The following EML4 variants were observed in gnomAD, a reference collection of about 807,000 sequenced individuals.
The protein encoded by EML4 is EMAP like 4.
Under a neutral mutation model 129.0 loss-of-function variants are expected in EML4, and 72 were observed. The observed-to-expected ratio is 0.56, with a 90% confidence interval of 0.46 to 0.68. The LOEUF (loss-of-function observed/expected upper bound fraction) is 0.68, where lower values mean the gene tolerates loss of function less well. Among genes scored for constraint, EML4 ranks in the 30% least tolerant of loss-of-function variants. The pLI, the probability that EML4 is intolerant of heterozygous loss-of-function variation, is 0.00. For synonymous variants in EML4, 532 were observed against 405.0 expected (o/e 1.31, Z -3.77); for missense variants, 1,363 against 1,190.6 (o/e 1.14, Z -2.13).
At position 42,331,560 on chromosome 2, in the gene EML4, ACTTT is replaced by A. The variant is rs1475858997; in HGVS notation, c.*1356_*1359del. On this transcript the variant is annotated 3_prime_UTR_variant, in exon 23 of 23. Coordinates refer to ENST00000318522, the MANE Select transcript of EML4 (RefSeq NM_019063.5). ...TTTTAACTTGCTGCATTGTTTTGAT[ACTTT>A]CTATTTTTTTGGTCAAATCATGTTT... 2 of 223,618 alleles carry A rather than the reference ACTTT, an allele frequency of 8.9e-6. No individual in the cohort carries two copies. The highest frequency in any genetic ancestry group is 4.5e-5 in the African/African-American group (2 of 44,776). The allele number at this position is 223,618 out of a possible 1,614,324, so 13.9% of individuals were successfully genotyped here.
intron 17 of EML4, among the ~76,000 whole-genome samples, chr2:42,314,901 A>G (rs943813327): frequency 6.6e-6 from 1 of 152,222 alleles, no homozygotes; most frequent in Admixed American, 6.5e-5. Flanking sequence ...TTTATAATGT[A>G]GTTGGATTTA....
chr2:42,206,773 T>C (rs1292779569), intron 1 of EML4, among the ~76,000 whole-genome samples: 1 of 152,188 alleles, frequency 6.6e-6, no homozygotes, highest in East Asian at 1.9e-4. Flanking sequence ...TTTTGGTAAA[T>C]AGTAAAATTT....
At chr2:42,324,638 G>GA (rs1438782718) in intron 19 of EML4, among the ~76,000 whole-genome samples, 1 of 152,130 alleles carries the variant, frequency 6.6e-6, no homozygotes, top group East Asian at 1.9e-4. Context: ...GTTAGTAATT[G>GA]AAAAAGCACA....
intron 2 of EML4, 25 bp from the exon 3 acceptor site, chr2:42,256,476 A>G (rs1431925261): frequency 1.3e-6 from 2 of 1,569,436 alleles, no homozygotes; most frequent in Non-Finnish European, 1.7e-6. Flanking sequence ...AATTTGATAT[A>G]ATTTTTTTCC....
intron 1 of EML4, among the ~76,000 whole-genome samples, chr2:42,208,937 C>T (rs901553460): frequency 6.6e-6 from 1 of 152,160 alleles, no homozygotes; most frequent in African/African-American, 2.4e-5. Context: ...GGTACCCATC[C>T]CATTTACAGT....
Position 42,295,274 on chromosome 2 carries a change from G to GT in EML4, c.1353+19dup. ...GAATTTTTGGGGTAAGAATCAGATTGTTTTAATGTCATTAGGTGTATAAGA... is the reference window on the plus strand; with the variant it reads ...GAATTTTTGGGGTAAGAATCAGATTGTTTTTAATGTCATTAGGTGTATAAGA... On this transcript the variant is annotated intron_variant, in intron 12 of 22. Coordinates refer to ENST00000318522, the MANE Select transcript of EML4 (RefSeq NM_019063.5). 6.2e-7 allele frequency: 1 copy of GT among 1,611,906 alleles called. No individual in the cohort carries two copies. The highest frequency in any genetic ancestry group is 8.5e-7 in the Non-Finnish European group (1 of 1,179,270).
intron 17 of EML4, among the ~76,000 whole-genome samples, chr2:42,313,004 A>G (rs1370386661): frequency 7.3e-6 from 1 of 136,446 alleles, no homozygotes; most frequent in East Asian, 2.1e-4. Context: ...GCTGGAGTGC[A>G]GTGGTGCCAT....
At chr2:42,211,009 C>G (rs1051679061) in intron 1 of EML4, among the ~76,000 whole-genome samples, 3 of 152,166 alleles carry the variant, frequency 2.0e-5, no homozygotes, top group Non-Finnish European at 4.4e-5. Context: ...TCAAAGTAAT[C>G]AGAAGGTCCA....
chr2:42,303,457 C>G lies in EML4; in HGVS notation c.1899+11C>G, dbSNP rs748896115. Reference sequence around the variant, plus strand: ...ACCAGGCTGGTAGATGTGAGTGAAGCAGGATGTGATTATTAACCTCCCCAC... The same window carrying G: ...ACCAGGCTGGTAGATGTGAGTGAAGGAGGATGTGATTATTAACCTCCCCAC... On this transcript the variant is annotated intron_variant, in intron 16 of 22. Transcript: ENST00000318522. 7 of 1,611,456 alleles carry G rather than the reference C, an allele frequency of 4.3e-6. No homozygotes were observed. The highest frequency in any genetic ancestry group is 5.9e-6 in the Non-Finnish European group (7 of 1,178,462).
Position 42,327,314 on chromosome 2 carries a change from G to A in EML4, c.2341+1062G>A, listed in dbSNP as rs146129674. On this transcript the variant is annotated intron_variant, in intron 21 of 22. Transcript: ENST00000318522. ...ATACCACTGCTGTGAACAGTCATGT[G>A]CAGGTTTTTGTGTAGACATGTTTTC... Among the ~76,000 whole-genome samples, 35 of 152,286 alleles carry A rather than the reference G, an allele frequency of 2.3e-4. 1 individual carries two copies. The East Asian group carries it at 6.5e-3, about 28-fold the overall frequency.
chr2:42,310,310 CCCCTTTCCCTTT>C (rs909295797), intron 17 of EML4, among the ~76,000 whole-genome samples: 1 of 151,236 alleles, frequency 6.6e-6, no homozygotes, highest in Non-Finnish European at 1.5e-5. Context: ...CCTTTCCCTT[CCCCTTTCCCTTT>C]CCCTTCCCCT....
At position 42,310,047 on chromosome 2, in the gene EML4, G is replaced by T. The variant is rs1338450348; in HGVS notation, c.1967+5496G>T. ...AGTAGGTGTCCAACTTCATTCTTTT[G>T]TATGTGGATATTCAGTTACAGCACC... On this transcript the variant is annotated intron_variant, in intron 17 of 22. Coordinates refer to ENST00000318522, the MANE Select transcript of EML4 (RefSeq NM_019063.5). Among the ~76,000 whole-genome samples, 3 of 152,172 alleles carry T rather than the reference G, an allele frequency of 2.0e-5. No individual in the cohort carries two copies. The East Asian group carries it at 5.8e-4, about 29-fold the overall frequency.
chr2:42,248,817 G>C (rs1009161733), intron 2 of EML4, among the ~76,000 whole-genome samples: 1 of 151,978 alleles, frequency 6.6e-6, no homozygotes, highest in Non-Finnish European at 1.5e-5. Flanking sequence ...TGGTTTGATG[G>C]GGGTATTGAT....
At chr2:42,233,138 C>T (rs1257459721) in intron 1 of EML4, among the ~76,000 whole-genome samples, 1 of 152,128 alleles carries the variant, frequency 6.6e-6, no homozygotes, top group Non-Finnish European at 1.5e-5. Flanking sequence ...TAACTCCTCA[C>T]ATTTAGTTTG....
chr2:42,174,470 T>C (rs1220400250), intron 1 of EML4, among the ~76,000 whole-genome samples: 1 of 152,124 alleles, frequency 6.6e-6, no homozygotes, highest in Non-Finnish European at 1.5e-5. Context: ...TTTGTATTTT[T>C]AGTAGAGACA....
intron 2 of EML4, among the ~76,000 whole-genome samples, chr2:42,255,660 A>T (rs1379680346): frequency 6.6e-6 from 1 of 152,218 alleles, no homozygotes; most frequent in Non-Finnish European, 1.5e-5. Context: ...AAAATTTCTT[A>T]AGAGGTTTCA....
At chr2:42,227,981 A>G (rs1165596477) in intron 1 of EML4, among the ~76,000 whole-genome samples, 1 of 152,160 alleles carries the variant, frequency 6.6e-6, no homozygotes, top group Non-Finnish European at 1.5e-5. Flanking sequence ...ACACTTTGGG[A>G]GGCCAAGGTG....
intron 1 of EML4, among the ~76,000 whole-genome samples, chr2:42,235,552 A>G (rs1341778442): frequency 2.6e-5 from 4 of 152,158 alleles, no homozygotes; most frequent in Non-Finnish European, 4.4e-5. Context: ...TCTCTAATCT[A>G]ACCTAATCTT....
chr2:42,320,527 C>A lies in EML4; in HGVS notation c.2154+3003C>A, dbSNP rs139731694. 2.7e-3 allele frequency among the ~76,000 whole-genome samples: 404 copies of A among 152,166 alleles called. 1 individual carries two copies. Among genetic ancestry groups the A allele is most frequent in the African/African-American group, 8.2e-3 (342 of 41,520 alleles). ...TAGATGTGATGATGTATGCAAGGTA[C>A]TTAGTAAATATTAGGTATTATTATT... is the stretch of plus-strand genomic sequence containing the variant. On this transcript the variant is annotated intron_variant, in intron 19 of 22. Coordinates refer to ENST00000318522, the MANE Select transcript of EML4 (RefSeq NM_019063.5).
Sources: gnomAD v4.1 joint callset for allele counts (sites outside exome capture counted in the v4.1 genomes callset) on GRCh38, gnomAD v4.1.1 for gene constraint, MANE v1.5 for transcripts, NCBI Gene and HGNC (gene_info 2026-07-23, HGNC 2026-07-21) for gene names.